Variants in NELL1 observed in about 807,000 individuals in gnomAD.
NELL1 encodes neural EGFL like 1.
In NELL1, 76 loss-of-function variants were observed where a neutral mutation model predicts 107.4. The ratio of observed to expected loss-of-function variants is 0.71; its 90% confidence interval spans 0.59 to 0.86. The LOEUF is 0.86. NELL1 is among the 40% of genes least tolerant of loss of function. The pLI, the probability that NELL1 is intolerant of heterozygous loss-of-function variation, is 0.00. For missense variants in NELL1, 1,024 were observed against 1,005.5 expected (o/e 1.02, Z -0.25); for synonymous variants, 353 against 341.2 (o/e 1.03, Z -0.38).
In NELL1 at chr11:21,259,316, G is replaced by T. The variant is rs1307769726; in HGVS notation, c.1549+29862G>T. On this transcript the variant is annotated intron_variant, in intron 14 of 19. Transcript: ENST00000357134. ...TTATAAAGCATAATGGGAGTGGTTT[G>T]CTATAATTAGGGGGTCAGGGAAGGC... is the stretch of plus-strand genomic sequence containing the variant. Among the ~76,000 whole-genome samples, 4 of 151,858 alleles carry T rather than the reference G, an allele frequency of 2.6e-5. No individual in the cohort carries two copies. In the East Asian group the frequency reaches 7.8e-4, roughly 29 times the overall value.
intron 12 of NELL1, among the ~76,000 whole-genome samples, chr11:21,025,805 A>G (rs959147722): frequency 1.3e-5 from 2 of 152,138 alleles, no homozygotes; most frequent in African/African-American, 4.8e-5. Flanking sequence ...AAAATTTAAC[A>G]TGTCCCAAAA....
At chr11:21,569,279 CTCTT>C (rs1857044482) in intron 17 of NELL1, among the ~76,000 whole-genome samples, 1 of 151,918 alleles carries the variant, frequency 6.6e-6, no homozygotes, top group Non-Finnish European at 1.5e-5. Flanking sequence ...ATTCAATTCA[CTCTT>C]TCTTCAAAGA....
chr11:21,523,660 T>A (rs183974878), intron 15 of NELL1, among the ~76,000 whole-genome samples: 3 of 152,112 alleles, frequency 2.0e-5, no homozygotes, highest in Non-Finnish European at 4.4e-5. Context: ...ATACTCTGCT[T>A]TATAACCTCT....
intron 12 of NELL1, among the ~76,000 whole-genome samples, chr11:21,045,743 A>G (rs895245139): frequency 6.6e-6 from 1 of 152,184 alleles, no homozygotes; most frequent in African/African-American, 2.4e-5. Context: ...CATTTCAGTA[A>G]TAATCCTATA....
chr11:20,706,950 C>T (rs1369912156), intron 2 of NELL1, among the ~76,000 whole-genome samples: 1 of 152,148 alleles, frequency 6.6e-6, no homozygotes, highest in Non-Finnish European at 1.5e-5. Context: ...GGAAGTTCTC[C>T]TGAAGAGTAT....
intron 14 of NELL1, among the ~76,000 whole-genome samples, chr11:21,279,534 A>G (rs541553379): frequency 1.8e-4 from 28 of 152,322 alleles, no homozygotes; most frequent in African/African-American, 6.3e-4. Flanking sequence ...AGGAACTACA[A>G]ACTAAAACAA....
At chr11:21,188,227 G>A (rs905631941) in intron 13 of NELL1, among the ~76,000 whole-genome samples, 8 of 151,822 alleles carry the variant, frequency 5.3e-5, no homozygotes, top group African/African-American at 1.9e-4. Flanking sequence ...TCATCTTGGG[G>A]AAGCAGGTGA....
At chr11:21,136,465 T>C (rs1265057889) in intron 13 of NELL1, among the ~76,000 whole-genome samples, 4 of 152,218 alleles carry the variant, frequency 2.6e-5, no homozygotes, top group Non-Finnish European at 2.9e-5. Context: ...TTCAGTAATC[T>C]ATGTATTTAG....
chr11:20,830,373 C>A (rs1041738063), intron 3 of NELL1, among the ~76,000 whole-genome samples: 6 of 151,596 alleles, frequency 4.0e-5, no homozygotes, highest in African/African-American at 1.5e-4. Flanking sequence ...GAATGGAGAG[C>A]AACACCTCAG....
intron 12 of NELL1, among the ~76,000 whole-genome samples, chr11:20,985,959 G>A (rs1851844388): frequency 6.6e-6 from 1 of 152,188 alleles, no homozygotes; most frequent in Admixed American, 6.5e-5. Flanking sequence ...TTTACTAATG[G>A]ACTTCACCTC....
intron 14 of NELL1, among the ~76,000 whole-genome samples, chr11:21,245,157 C>A (rs570925550): frequency 6.6e-6 from 1 of 152,262 alleles, no homozygotes; most frequent in African/African-American, 2.4e-5. Context: ...GCCTCATTTC[C>A]TTTTCCCCCA....
At chr11:21,443,504 A>G (rs1438700690) in intron 15 of NELL1, among the ~76,000 whole-genome samples, 1 of 127,634 alleles carries the variant, frequency 7.8e-6, no homozygotes, top group African/African-American at 3.5e-5. Flanking sequence ...AGAAAAAAAA[A>G]TAATATCCAT....
chr11:21,010,227 C>T (rs1852417654), intron 12 of NELL1, among the ~76,000 whole-genome samples: 1 of 152,064 alleles, frequency 6.6e-6, no homozygotes, highest in African/African-American at 2.4e-5. Context: ...TAAGAAGTTT[C>T]TTCTTAAGTT....
rs575438650 is a variant in NELL1 at position 21,454,986 on chromosome 11, A to G, written c.1646-79388A>G. Among the ~76,000 whole-genome samples the G allele has an allele frequency of 8.5e-5, 13 of 152,298 alleles. No individual in the cohort carries two copies. In the East Asian group the frequency reaches 1.7e-3, roughly 20 times the overall value. On this transcript the variant is annotated intron_variant, in intron 15 of 19. Transcript: ENST00000357134. ...TTTTGTATTTACTCACATATTTACT[A>G]TTTCTAGAACTCTTTAATCTTTTTG...
intron 14 of NELL1, among the ~76,000 whole-genome samples, chr11:21,237,832 C>A (rs1257558367): frequency 6.6e-6 from 1 of 152,040 alleles, no homozygotes; most frequent in Non-Finnish European, 1.5e-5. Context: ...TTGATGGATT[C>A]TTCTTTATAG....
intron 12 of NELL1, among the ~76,000 whole-genome samples, chr11:21,102,892 G>C (rs900549402): frequency 6.6e-6 from 1 of 152,118 alleles, no homozygotes; most frequent in Non-Finnish European, 1.5e-5. Flanking sequence ...TTAAGAACCA[G>C]CTTCAGTAGT....
At position 20,954,818 on chromosome 11, in the gene NELL1, C is replaced by T. The variant is rs1851138143; in HGVS notation, c.1172-5614C>T. On this transcript the variant is annotated intron_variant, in intron 11 of 19. Coordinates refer to ENST00000357134, the MANE Select transcript of NELL1 (RefSeq NM_006157.5). ...TGTCCTTGAAATACAATTTACTCAACTCCGGGCATCATGATTTGACATGGT... is the reference window on the plus strand; with the variant it reads ...TGTCCTTGAAATACAATTTACTCAATTCCGGGCATCATGATTTGACATGGT... Among the ~76,000 whole-genome samples the T allele has an allele frequency of 2.6e-5, 4 of 152,202 alleles. No individual in the cohort carries two copies. In the South Asian group the frequency reaches 6.2e-4, roughly 24 times the overall value.
rs143444796 is a variant in NELL1 at position 20,779,275 on chromosome 11, C to T, written c.185-4405C>T. Among the ~76,000 whole-genome samples, 11 of 152,264 alleles carry T rather than the reference C, an allele frequency of 7.2e-5. No individual in the cohort carries two copies. In the South Asian group the frequency reaches 1.0e-3, roughly 14 times the overall value. On this transcript the variant is annotated intron_variant, in intron 2 of 19. Coordinates refer to ENST00000357134, the MANE Select transcript of NELL1 (RefSeq NM_006157.5). ...CTGTCATTCTGAAGGTGGCATGATA[C>T]GCACATTATGACTTGGTCCTCCCAT...
At chr11:21,567,886 G>C (rs975855540) in intron 17 of NELL1, among the ~76,000 whole-genome samples, 3 of 151,824 alleles carry the variant, frequency 2.0e-5, no homozygotes, top group African/African-American at 7.3e-5. Context: ...TAAACATCAA[G>C]TTGTATACTT....
Sources: allele counts gnomAD v4.1 joint callset (sites outside exome capture counted in the v4.1 genomes callset), GRCh38; gene constraint gnomAD v4.1.1; transcripts MANE v1.5; gene names NCBI Gene and HGNC (gene_info 2026-07-23, HGNC 2026-07-21).